RAB31: variants seen among roughly 807,000 people sequenced by gnomAD.
RAB31 encodes the protein ras-related protein Rab-31.
A neutral mutation model predicts 25.6 loss-of-function variants in RAB31; 21 were observed. The observed-to-expected ratio is 0.82, with a 90% CI of 0.58 to 1.18. The LOEUF is 1.18. Among genes scored for constraint, RAB31 ranks in the 50% most tolerant of loss-of-function variants. RAB31 has a pLI of 0.00. For synonymous variants in RAB31, 87 were observed against 84.0 expected, an observed-to-expected ratio of 1.04 and a Z score of -0.20; for missense variants, 196 against 250.1, an observed-to-expected ratio of 0.78 and a Z score of 1.46.
At chr18:9,837,563 C>T (rs959907322) in intron 5 of RAB31, among the ~76,000 whole-genome samples, 2 of 152,050 alleles carry the variant, frequency 1.3e-5, no homozygotes, top group Non-Finnish European at 2.9e-5. Flanking sequence ...AAATGTATTA[C>T]AAGGGGCTAG....
At chr18:9,709,490 G>A (rs1432709175) in intron 1 of RAB31, among the ~76,000 whole-genome samples, 1 of 152,184 alleles carries the variant, frequency 6.6e-6, no homozygotes, top group Admixed American at 6.5e-5. Context: ...TCAAGATGGG[G>A]GTACAAGAAC....
In RAB31 at chr18:9,840,202, C is replaced by T. The variant is rs767299; in HGVS notation, c.381-5380C>T. 8.9e-3 allele frequency among the ~76,000 whole-genome samples: 1,361 copies of T among 152,248 alleles called. 7 individuals are homozygous for T. The highest frequency in any genetic ancestry group is 0.042 in the South Asian group (204 of 4,820). ...GATCTGCATCCACACTTCCTGCAGTCGTAGTAATTCTCAGTGATTTCTGCA... is the reference window on the plus strand; with the variant it reads ...GATCTGCATCCACACTTCCTGCAGTTGTAGTAATTCTCAGTGATTTCTGCA... On this transcript the variant is annotated intron_variant, in intron 5 of 6. Coordinates refer to ENST00000578921, the MANE Select transcript of RAB31 (RefSeq NM_006868.4).
intron 2 of RAB31, among the ~76,000 whole-genome samples, chr18:9,775,561 C>T (rs78476215): frequency 3.2e-4 from 44 of 138,100 alleles, no homozygotes; most frequent in Non-Finnish European, 5.3e-4. Flanking sequence ...TTTTTTTTTT[C>T]CTAGTCAGCC....
chr18:9,837,415 G>T (rs962717743), intron 5 of RAB31, among the ~76,000 whole-genome samples: 2 of 152,118 alleles, frequency 1.3e-5, no homozygotes, highest in Non-Finnish European at 2.9e-5. Flanking sequence ...AAAATGGAAT[G>T]AATTATTTAA....
At chr18:9,737,499 C>T (rs756941560) in intron 1 of RAB31, among the ~76,000 whole-genome samples, 3 of 152,062 alleles carry the variant, frequency 2.0e-5, no homozygotes, top group Non-Finnish European at 4.4e-5. Flanking sequence ...TTTGTGAAAC[C>T]ATTTGTTTTC....
chr18:9,805,354 G>A (rs1453165022), intron 3 of RAB31, among the ~76,000 whole-genome samples: 1 of 151,662 alleles, frequency 6.6e-6, no homozygotes, highest in Non-Finnish European at 1.5e-5. Context: ...CCTTCCTGGA[G>A]GTACAAGGGC....
intron 4 of RAB31, chr18:9,814,642 T>C (rs16955693): frequency 0.11 from 16,900 of 159,252 alleles, 1,421 homozygotes; most frequent in East Asian, 0.38. Flanking sequence ...GTTAGTTTAA[T>C]GACCCATCAC....
intron 1 of RAB31, among the ~76,000 whole-genome samples, chr18:9,718,798 T>G (rs774257450): frequency 6.6e-6 from 1 of 151,580 alleles, no homozygotes; most frequent in Non-Finnish European, 1.5e-5. Flanking sequence ...GTAAGGGAGC[T>G]CCCTGGGGCC....
chr18:9,814,128 T>C, intron 4 of RAB31, 37 bp downstream of exon 4: 1 of 1,453,498 alleles, frequency 6.9e-7, no homozygotes, highest in Middle Eastern at 1.7e-4. Flanking sequence ...ATGTCATTTA[T>C]GGTGGTTCTC....
At chr18:9,763,600 TTATATATA>T (rs57545209) in intron 1 of RAB31, among the ~76,000 whole-genome samples, 13,181 of 141,678 alleles carry the variant, frequency 0.093, 681 homozygotes, top group South Asian at 0.2. Context: ...AAGAAAAAAA[TTATATATA>T]TATATATATA....
chr18:9,718,847 A>G (rs1184050702), intron 1 of RAB31, among the ~76,000 whole-genome samples: 1 of 150,896 alleles, frequency 6.6e-6, no homozygotes, highest in Admixed American at 6.6e-5. Flanking sequence ...TGAGAGCTCT[A>G]GCCTTCTGAC....
intron 1 of RAB31, among the ~76,000 whole-genome samples, chr18:9,774,519 T>G (rs1297849861): frequency 6.6e-6 from 1 of 152,208 alleles, no homozygotes; most frequent in Non-Finnish European, 1.5e-5. Flanking sequence ...GCTTCTTCAT[T>G]CTCAGGGACC....
intron 5 of RAB31, among the ~76,000 whole-genome samples, chr18:9,842,889 T>A (rs2068741374): frequency 6.6e-6 from 1 of 152,024 alleles, no homozygotes; most frequent in African/African-American, 2.4e-5. Context: ...ATGGAAGGAG[T>A]CTGAGGGTGT....
Position 9,860,701 on chromosome 18 carries a change from T to C in RAB31, c.*1376T>C, listed in dbSNP as rs1019664440. 6.6e-6 allele frequency: 1 copy of C among 152,244 alleles called. No individual in the cohort carries two copies. Among genetic ancestry groups the C allele is most frequent in the Non-Finnish European group, 1.5e-5 (1 of 68,048 alleles). The allele number at this position is 152,244 out of a possible 1,614,324, so 9.4% of individuals were successfully genotyped here. A position where few individuals can be genotyped will look rare whatever the true frequency, so the allele number is the denominator to read the frequency against. ...ATTGGTGCTCAGAAATGGTTAATCA[T>C]GCTGTGTGCTAGCCAGGGCCAGCTG... On this transcript the variant is annotated 3_prime_UTR_variant, in exon 7 of 7. Transcript: ENST00000578921.
intron 1 of RAB31, among the ~76,000 whole-genome samples, chr18:9,725,678 A>G (rs1055366571): frequency 2.6e-5 from 4 of 152,246 alleles, no homozygotes; most frequent in Admixed American, 6.5e-5. Context: ...TTAAAAACAT[A>G]ATTTAATAAT....
At chr18:9,727,355 C>A (rs1317905148) in intron 1 of RAB31, among the ~76,000 whole-genome samples, 1 of 152,198 alleles carries the variant, frequency 6.6e-6, no homozygotes, top group African/African-American at 2.4e-5. Flanking sequence ...CTCTCTCTGT[C>A]GTCTAGGCTA....
chr18:9,851,561 GAGAC>G, intron 6 of RAB31, among the ~76,000 whole-genome samples: 1 of 152,322 alleles, frequency 6.6e-6, no homozygotes, highest in Admixed American at 6.5e-5. Flanking sequence ...TAATAAGTGA[GAGAC>G]AGGCAGGCAG....
chr18:9,708,517 C>A lies in RAB31; in HGVS notation c.39+73C>A. 1 of 1,333,330 alleles carries A rather than the reference C, an allele frequency of 7.5e-7. No individual in the cohort carries two copies. The highest frequency in any genetic ancestry group is 1.0e-6 in the Non-Finnish European group (1 of 986,538). The allele number at this position is 1,333,330 out of a possible 1,614,324, so 82.6% of individuals were successfully genotyped here. A position where few individuals can be genotyped will look rare whatever the true frequency, so the allele number is the denominator to read the frequency against. On this transcript the variant is annotated intron_variant, in intron 1 of 6. Transcript: ENST00000578921. The surrounding 1 kb of genome is among the most constrained non-coding windows in gnomAD (Gnocchi z 6.4). ...CGCCCCTTCGCTCCCCTATTCCCTG[C>A]GCGCTCAGTCCCCGTGATCCCCTCG...
Position 9,782,851 on chromosome 18 carries a change from C to T in RAB31, c.119+7494C>T, listed in dbSNP as rs117438614. On this transcript the variant is annotated intron_variant, in intron 2 of 6. Transcript: ENST00000578921. ...AGCTGGGACCACAGGTGTGAGCCAC[C>T]ACACCTGGCTGTTTTTAAATTTTTG... Among the ~76,000 whole-genome samples the T allele has an allele frequency of 2.0e-5, 3 of 152,224 alleles. No individual in the cohort carries two copies. In the East Asian group the frequency reaches 5.8e-4, roughly 29 times the overall value.
Sources: allele counts gnomAD v4.1 joint callset (sites outside exome capture counted in the v4.1 genomes callset), GRCh38; gene constraint gnomAD v4.1.1; non-coding constraint Gnocchi (gnomAD v3.1); transcripts MANE v1.5; gene names NCBI Gene and HGNC (gene_info 2026-07-23, HGNC 2026-07-21).